Variants in IQSEC1 observed in about 807,000 individuals in gnomAD.
IQSEC1 encodes IQ motif and Sec7 domain ArfGEF 1.
In IQSEC1, 31 loss-of-function variants were observed where a neutral mutation model predicts 91.0. That is an observed-to-expected ratio of 0.34 (90% CI 0.26 to 0.46). The LOEUF is 0.46. Ranked by LOEUF, IQSEC1 falls within the 20% of genes least tolerant of loss-of-function variation. IQSEC1 has a pLI of 1.00. For missense variants in IQSEC1, 1,388 were observed against 1,575.6 expected, an observed-to-expected ratio of 0.88 and a Z score of 2.02; for synonymous variants, 699 against 662.6, an observed-to-expected ratio of 1.05 and a Z score of -0.84.
In IQSEC1 at chr3:13,161,846, C is replaced by A. The variant is rs113996711; in HGVS notation, c.302+2258G>T. On this transcript the variant is annotated intron_variant, in intron 2 of 15. Transcript: ENST00000648114. The stretch of plus-strand genomic sequence containing the variant: ...GTGCACCCTGCTGGGAGCTGTGTGG[C>A]TCGGAGCTGGGACATATGCTCGGCT... 1.7e-3 allele frequency among the ~76,000 whole-genome samples: 254 copies of A among 152,298 alleles called. 1 individual carries two copies. Among genetic ancestry groups the A allele is most frequent in the African/African-American group, 6.0e-3 (250 of 41,550 alleles).
At chr3:13,234,020 C>T (rs554819403) in intron 1 of IQSEC1, among the ~76,000 whole-genome samples, 3 of 152,360 alleles carry the variant, frequency 2.0e-5, no homozygotes, top group South Asian at 2.1e-4. Flanking sequence ...GCGAAACTGA[C>T]GCGCTCTGCA....
intron 1 of IQSEC1, among the ~76,000 whole-genome samples, chr3:13,177,102 G>A (rs144832329): frequency 1.1e-4 from 17 of 152,312 alleles, no homozygotes; most frequent in East Asian, 5.8e-4. Context: ...GGGCTGATGC[G>A]AATGTTCTGG....
At chr3:13,253,999 G>A (rs73136154) in intron 1 of IQSEC1, among the ~76,000 whole-genome samples, 1 of 152,154 alleles carries the variant, frequency 6.6e-6, no homozygotes, top group Admixed American at 6.5e-5. Context: ...CAGGTGATGC[G>A]CCACTCAGGC....
chr3:13,131,381 TA>T (rs138435621), intron 2 of IQSEC1, among the ~76,000 whole-genome samples: 11 of 149,454 alleles, frequency 7.4e-5, no homozygotes, highest in East Asian at 1.9e-4. Context: ...GGTTCTTACT[TA>T]AAAAAAAAAT....
chr3:13,172,310 C>T (rs921313208), intron 1 of IQSEC1, among the ~76,000 whole-genome samples: 4 of 152,028 alleles, frequency 2.6e-5, no homozygotes, highest in African/African-American at 4.8e-5. Context: ...GGGCCTGGCA[C>T]AGAGGAGGTC....
At chr3:13,194,988 C>T (rs902557658) in intron 1 of IQSEC1, among the ~76,000 whole-genome samples, 2 of 152,164 alleles carry the variant, frequency 1.3e-5, no homozygotes, top group Non-Finnish European at 2.9e-5. Context: ...AAAGAAAAAG[C>T]AGGAAGTTGG....
chr3:12,913,135 G>GCCTGCCCGAGGAAGCGT (rs1469134019), intron 9 of IQSEC1, among the ~76,000 whole-genome samples: 1 of 152,256 alleles, frequency 6.6e-6, no homozygotes, highest in African/African-American at 2.4e-5. Flanking sequence ...TGAGGAAGGG[G>GCCTGCCCGAGGAAGCGT]CCTGCCCGAG....
rs1024401218 is a variant in IQSEC1 at position 13,102,664 on chromosome 3, T to G, written c.303-55142A>C. 2.0e-5 allele frequency among the ~76,000 whole-genome samples: 3 copies of G among 152,276 alleles called. 1 individual carries two copies. Among genetic ancestry groups the G allele is most frequent in the Non-Finnish European group, 1.5e-5 (1 of 68,010 alleles). On this transcript the variant is annotated intron_variant, in intron 2 of 15. Coordinates refer to the IQSEC1 transcript ENST00000648114. ...ACCACGGAGCTCCCCTCACGTCACA[T>G]GCTCCCACTGTCAACTGCAGGCCAC...
At chr3:13,033,545 TA>T (rs1465613603) in intron 1 of IQSEC1, among the ~76,000 whole-genome samples, 1 of 152,130 alleles carries the variant, frequency 6.6e-6, no homozygotes, top group Non-Finnish European at 1.5e-5. Context: ...ATATATTTTT[TA>T]AAATAAGGAA....
At chr3:13,020,827 C>G (rs1176633791) in intron 1 of IQSEC1, among the ~76,000 whole-genome samples, 1 of 152,148 alleles carries the variant, frequency 6.6e-6, no homozygotes, top group African/African-American at 2.4e-5. Flanking sequence ...CACCACCATG[C>G]CTGGCTTCTG....
intron 1 of IQSEC1, among the ~76,000 whole-genome samples, chr3:13,183,223 A>AT (rs1693876764): frequency 6.6e-6 from 1 of 152,064 alleles, no homozygotes; most frequent in Admixed American, 6.5e-5. Context: ...AAATAAATAA[A>AT]AAAGAAATTA....
chr3:13,242,324 CAT>C (rs1269731404), intron 1 of IQSEC1, among the ~76,000 whole-genome samples: 1 of 152,216 alleles, frequency 6.6e-6, no homozygotes, highest in Non-Finnish European at 1.5e-5. Flanking sequence ...AGGTGACCCA[CAT>C]GAGGTGCGGT....
chr3:13,262,813 A>G (rs1695411813), intron 1 of IQSEC1, among the ~76,000 whole-genome samples: 1 of 152,272 alleles, frequency 6.6e-6, no homozygotes, highest in Non-Finnish European at 1.5e-5. Flanking sequence ...CACTCACAAA[A>G]GAACAAATAT....
At chr3:13,076,600 C>T (rs1705566105), upstream of IQSEC1, among the ~76,000 whole-genome samples, 3 of 152,268 alleles carry the variant, frequency 2.0e-5, no homozygotes, top group South Asian at 6.2e-4. Context: ...AGCCCCGAAT[C>T]CCAGGGATTC....
intron 2 of IQSEC1, among the ~76,000 whole-genome samples, chr3:13,129,424 G>A (rs1482041599): frequency 2.0e-5 from 3 of 152,120 alleles, no homozygotes; most frequent in African/African-American, 7.2e-5. Context: ...TCTTCTCAAA[G>A]AATCAGGTTT....
intron 1 of IQSEC1, among the ~76,000 whole-genome samples, chr3:13,252,223 C>T (rs569207186): frequency 7.1e-4 from 108 of 152,282 alleles, no homozygotes; most frequent in Non-Finnish European, 1.3e-3. Flanking sequence ...CAGCCCCTGG[C>T]GTCCATCCTT....
rs1199602072 is a variant in IQSEC1, at chr3:12,899,164, G to A, written c.*1819C>T. 2 of 581,484 alleles carry A rather than the reference G, an allele frequency of 3.4e-6. No individual in the cohort carries two copies. The highest frequency in any genetic ancestry group is 2.1e-5 in the South Asian group (1 of 48,152). 36.0% of individuals were successfully genotyped at this position (581,484 alleles called of 1,614,324 possible). On this transcript the variant is annotated 3_prime_UTR_variant, in exon 14 of 14. Transcript: ENST00000613206. ...GATCTCAATGATATGACCGAGGGTG[G>A]GAGGGATGTGAGGAGGGAAATCGGC...
intron 2 of IQSEC1, among the ~76,000 whole-genome samples, chr3:13,149,698 C>G (rs1706958681): frequency 6.6e-6 from 1 of 152,096 alleles, no homozygotes; most frequent in Admixed American, 6.5e-5. Context: ...GACCCAGGCC[C>G]TGGCAGCTCC....
At chr3:13,226,180 A>T (rs918627766) in intron 1 of IQSEC1, among the ~76,000 whole-genome samples, 1 of 152,088 alleles carries the variant, frequency 6.6e-6, no homozygotes, top group African/African-American at 2.4e-5. Flanking sequence ...CGCCCAGCCA[A>T]TTCATCAAAT....
Sources: allele counts gnomAD v4.1 joint callset (sites outside exome capture counted in the v4.1 genomes callset), GRCh38; gene constraint gnomAD v4.1.1; transcripts MANE v1.5; gene names NCBI Gene and HGNC (gene_info 2026-07-23, HGNC 2026-07-21).